The following CDKAL1 variants were observed in gnomAD, a reference collection of about 807,000 sequenced individuals.
CDKAL1 encodes the protein CDKAL1 threonylcarbamoyladenosine tRNA methylthiotransferase, also known as threonylcarbamoyladenosine tRNA methylthiotransferase.
In CDKAL1, 32 loss-of-function variants were observed where a neutral mutation model predicts 68.2. The ratio of observed to expected loss-of-function variants is 0.47; its 90% CI spans 0.35 to 0.63. CDKAL1 has a LOEUF of 0.63. Ranked by LOEUF, CDKAL1 falls within the 30% of genes least tolerant of loss-of-function variation. The pLI is 0.00. For missense variants in CDKAL1, 606 were observed against 696.7 expected (o/e 0.87, Z 1.47); for synonymous variants, 234 against 244.3 (o/e 0.96, Z 0.39).
chr6:21,029,015 A>G (rs761317723), intron 11 of CDKAL1, among the ~76,000 whole-genome samples: 3 of 151,990 alleles, frequency 2.0e-5, no homozygotes, highest in Non-Finnish European at 4.4e-5. Context: ...CTTACATCAA[A>G]CATCTAACTA....
chr6:20,850,472 T>G (rs1278857657), intron 9 of CDKAL1, among the ~76,000 whole-genome samples: 1 of 152,160 alleles, frequency 6.6e-6, no homozygotes, highest in Non-Finnish European at 1.5e-5. Context: ...TTTATTTTTT[T>G]GAGGTGAGAT....
chr6:20,933,404 C>CT (rs1316653189), intron 9 of CDKAL1, among the ~76,000 whole-genome samples: 4 of 152,158 alleles, frequency 2.6e-5, no homozygotes, highest in African/African-American at 9.6e-5. Flanking sequence ...GTAGTTGACT[C>CT]TAAGAAAGGG....
chr6:21,097,112 G>A (rs1380302840), intron 12 of CDKAL1, among the ~76,000 whole-genome samples: 7 of 152,152 alleles, frequency 4.6e-5, no homozygotes, highest in Non-Finnish European at 1.0e-4. Flanking sequence ...ATTCAAAGGG[G>A]CAGGGAGGAC....
At chr6:21,031,430 G>T (rs2150878522) in intron 11 of CDKAL1, among the ~76,000 whole-genome samples, 1 of 151,702 alleles carries the variant, frequency 6.6e-6, no homozygotes, top group Non-Finnish European at 1.5e-5. Context: ...CACTAATTTG[G>T]GACCTTAAGT....
chr6:20,754,731 T>C (rs112209671), intron 6 of CDKAL1, among the ~76,000 whole-genome samples: 12 of 152,342 alleles, frequency 7.9e-5, no homozygotes, highest in African/African-American at 2.6e-4. Flanking sequence ...AAGTTTTCTC[T>C]CATTTTCTGT....
At chr6:20,716,064 A>C (rs1014378502) in intron 5 of CDKAL1, among the ~76,000 whole-genome samples, 8 of 152,210 alleles carry the variant, frequency 5.3e-5, no homozygotes, top group Admixed American at 3.9e-4. Flanking sequence ...ATTTGATAGA[A>C]TCTCAGGCAT....
chr6:20,594,881 C>G (rs1272065998), intron 4 of CDKAL1, among the ~76,000 whole-genome samples: 1 of 151,786 alleles, frequency 6.6e-6, no homozygotes, highest in Non-Finnish European at 1.5e-5. Context: ...CCTGGAATCT[C>G]TCAGCATTTG....
chr6:20,811,394 C>T (rs985724103), intron 8 of CDKAL1, among the ~76,000 whole-genome samples: 2 of 152,134 alleles, frequency 1.3e-5, no homozygotes, highest in South Asian at 2.1e-4. Flanking sequence ...TCAGCCCTGG[C>T]GAATGTTAAC....
intron 8 of CDKAL1, among the ~76,000 whole-genome samples, chr6:20,829,876 T>C (rs1777643704): frequency 6.6e-6 from 1 of 152,028 alleles, no homozygotes; most frequent in Admixed American, 6.6e-5. Flanking sequence ...TATTTACTTT[T>C]ATTATTATTA....
chr6:20,848,279 G>GTTTTTTTTTTTTTTTT (rs1554130310), intron 9 of CDKAL1, among the ~76,000 whole-genome samples: 1 of 62,286 alleles, frequency 1.6e-5, no homozygotes, highest in African/African-American at 3.6e-5. Flanking sequence ...CTGGAAAGTT[G>GTTTTTTTTTTTTTTTT]TTTTTTTTTT....
chr6:21,199,760 T>C (rs1362471729), intron 14 of CDKAL1, among the ~76,000 whole-genome samples: 1 of 152,252 alleles, frequency 6.6e-6, no homozygotes, highest in African/African-American at 2.4e-5. Flanking sequence ...AGAGATTTTC[T>C]TATTTTATAA....
rs566455506 is a variant in CDKAL1 at position 20,943,018 on chromosome 6, C to T, written c.743-12401C>T. On this transcript the variant is annotated intron_variant, in intron 9 of 15. Coordinates refer to ENST00000274695, the MANE Select transcript of CDKAL1 (RefSeq NM_017774.3). ...TACCCACATGTTTGCCATTTCTGGTCCAATTCTTTTCTTTGTGTGTCATCT... is the reference window on the plus strand; with the variant it reads ...TACCCACATGTTTGCCATTTCTGGTTCAATTCTTTTCTTTGTGTGTCATCT... Among the ~76,000 whole-genome samples the T allele has an allele frequency of 2.7e-5, 4 of 148,660 alleles. No individual in the cohort carries two copies. In the East Asian group the frequency reaches 7.9e-4, roughly 29 times the overall value.
intron 15 of CDKAL1, among the ~76,000 whole-genome samples, chr6:21,220,033 C>T (rs758325952): frequency 6.6e-5 from 10 of 152,130 alleles, no homozygotes; most frequent in Non-Finnish European, 1.5e-5. Flanking sequence ...TTCAACTTTG[C>T]CACACCTGTG....
intron 13 of CDKAL1, among the ~76,000 whole-genome samples, chr6:21,183,137 G>GTTT (rs35815279): frequency 6.9e-6 from 1 of 144,344 alleles, no homozygotes. Context: ...GCTGCTCTAG[G>GTTT]TTTTTTTTTT....
intron 4 of CDKAL1, among the ~76,000 whole-genome samples, chr6:20,589,843 G>A: frequency 1.3e-5 from 2 of 152,170 alleles, no homozygotes; most frequent in Admixed American, 1.3e-4. Flanking sequence ...CTTTAAAATT[G>A]CATTGCTTTA....
chr6:20,618,703 G>A (rs1767040038), intron 4 of CDKAL1, among the ~76,000 whole-genome samples: 1 of 151,538 alleles, frequency 6.6e-6, no homozygotes, highest in South Asian at 2.1e-4. Flanking sequence ...TTTGGATACA[G>A]GGTCTTGCTC....
At chr6:20,981,508 G>A (rs1478810664) in intron 10 of CDKAL1, among the ~76,000 whole-genome samples, 1 of 152,154 alleles carries the variant, frequency 6.6e-6, no homozygotes, top group Non-Finnish European at 1.5e-5. Flanking sequence ...ATGATCCTAT[G>A]AGGATAGGGC....
chr6:20,764,707 T>TGA (rs1774617566), intron 7 of CDKAL1, among the ~76,000 whole-genome samples: 1 of 152,190 alleles, frequency 6.6e-6, no homozygotes, highest in African/African-American at 2.4e-5. Context: ...CCAAACTCAA[T>TGA]GAGTAAGTGA....
intron 4 of CDKAL1, among the ~76,000 whole-genome samples, chr6:20,639,333 G>A (rs1303070274): frequency 1.3e-5 from 2 of 151,848 alleles, no homozygotes; most frequent in Non-Finnish European, 2.9e-5. Flanking sequence ...ATTTCCTTTA[G>A]TCAGAGACTC....
Sources: gnomAD v4.1 joint callset for allele counts (sites outside exome capture counted in the v4.1 genomes callset) on GRCh38, gnomAD v4.1.1 for gene constraint, MANE v1.5 for transcripts, NCBI Gene and HGNC (gene_info 2026-07-23, HGNC 2026-07-21) for gene names.